SYT11: variants seen among roughly 807,000 people sequenced by gnomAD.
SYT11 encodes the protein synaptotagmin 11, also known as synaptotagmin-11.
In SYT11, 12 loss-of-function variants were observed where a neutral mutation model predicts 30.4. The observed-to-expected ratio is 0.39, with a 90% CI of 0.25 to 0.64. The LOEUF (loss-of-function observed/expected upper bound fraction) is 0.64. Among genes scored for constraint, SYT11 ranks in the 30% least tolerant of loss-of-function variants. SYT11 has a pLI of 0.45. For missense variants in SYT11, 412 were observed against 552.0 expected (o/e 0.75, Z 2.54); for synonymous variants, 204 against 216.0 (o/e 0.94, Z 0.49).
chr1:155,859,638 C>T lies in SYT11; in HGVS notation c.-124C>T, dbSNP rs951293116. The T allele has an allele frequency of 3.3e-6, 3 of 921,284 alleles. No homozygotes were observed. The highest frequency in any genetic ancestry group is 5.3e-6 in the Non-Finnish European group (3 of 562,804). 57.1% of individuals were successfully genotyped at this position (921,284 alleles called of 1,614,324 possible). A position where few individuals can be genotyped will look rare whatever the true frequency, so the allele number is the denominator to read the frequency against. ...GGGGCCGGACCGTCGCAGGAGGCGT[C>T]CGCTGGATACCTTCCCCCTTCCCTG... On this transcript the variant is annotated 5_prime_UTR_variant, in exon 1 of 4. Transcript: ENST00000368324.
intron 1 of SYT11, among the ~76,000 whole-genome samples, chr1:155,867,221 C>A (rs573526237): frequency 6.6e-5 from 10 of 152,190 alleles, no homozygotes; most frequent in Non-Finnish European, 1.3e-4. Flanking sequence ...CCACGCCCAG[C>A]TAATTTTTTA....
intron 2 of SYT11, among the ~76,000 whole-genome samples, chr1:155,879,026 T>C (rs978532861): frequency 6.6e-6 from 1 of 152,194 alleles, no homozygotes; most frequent in Non-Finnish European, 1.5e-5. Context: ...CTGACTCTTC[T>C]ACTAAGTGGT....
chr1:155,861,640 C>A (rs112293774), intron 1 of SYT11, among the ~76,000 whole-genome samples: 3 of 152,090 alleles, frequency 2.0e-5, no homozygotes, highest in Non-Finnish European at 4.4e-5. Flanking sequence ...GTTTTTGAGA[C>A]GGAGTTTCGA....
intron 2 of SYT11, among the ~76,000 whole-genome samples, chr1:155,869,140 T>A (rs1354480056): frequency 6.6e-6 from 1 of 152,318 alleles, no homozygotes; most frequent in East Asian, 1.9e-4. Flanking sequence ...CAAAATGATG[T>A]GATCTTCCTC....
intron 2 of SYT11, 66 bp from the exon 3 acceptor site, chr1:155,880,434 G>A: frequency 6.3e-7 from 1 of 1,593,562 alleles, no homozygotes; most frequent in Admixed American, 1.7e-5. Context: ...CCACTGCTCT[G>A]CACACTTTTT....
In SYT11 at chr1:155,860,909, C is replaced by T. The variant is rs1291484650; in HGVS notation, c.34+1114C>T. On this transcript the variant is annotated intron_variant, in intron 1 of 3. Transcript: ENST00000368324. The surrounding 1 kb of genome is among the most constrained non-coding windows in gnomAD (Gnocchi z 4.1). Reference sequence around the variant, plus strand: ...ATAATTGCCCTGCTTCTCCTTGATTCAGTTTAGATGGGGGAAGCCAGTGAG... The same window carrying T: ...ATAATTGCCCTGCTTCTCCTTGATTTAGTTTAGATGGGGGAAGCCAGTGAG... Among the ~76,000 whole-genome samples the T allele has an allele frequency of 6.6e-6, 1 of 152,120 alleles. No homozygotes were observed. Among genetic ancestry groups the T allele is most frequent in the Admixed American group, 6.5e-5 (1 of 15,270 alleles).
At chr1:155,864,522 G>A (rs1356984379) in intron 1 of SYT11, among the ~76,000 whole-genome samples, 3 of 152,102 alleles carry the variant, frequency 2.0e-5, no homozygotes, top group Non-Finnish European at 4.4e-5. Context: ...GAGAGGATAG[G>A]AGAGGATACC....
rs1419352947 is a variant in SYT11, at chr1:155,868,909, G to C, written c.861+118G>C. 1 of 956,864 alleles carries C rather than the reference G, an allele frequency of 1.0e-6. No homozygotes were observed. The highest frequency in any genetic ancestry group is 1.5e-6 in the Non-Finnish European group (1 of 653,576). The allele number at this position is 956,864 out of a possible 1,614,324, so 59.3% of individuals were successfully genotyped here. ...GGCAAAGAAGGGCTGTAGAGAGGAAGCTCTTGGATGTCAAGGATAAGCAGT... is the reference window on the plus strand; with the variant it reads ...GGCAAAGAAGGGCTGTAGAGAGGAACCTCTTGGATGTCAAGGATAAGCAGT... On this transcript the variant is annotated intron_variant, in intron 2 of 3. Transcript: ENST00000368324. The surrounding 1 kb of genome is among the most constrained non-coding windows in gnomAD (Gnocchi z 4.7).
intron 2 of SYT11, among the ~76,000 whole-genome samples, chr1:155,874,884 C>T (rs932441515): frequency 2.7e-5 from 4 of 148,318 alleles, no homozygotes; most frequent in Middle Eastern, 7.1e-3. Flanking sequence ...AGCAAGACTC[C>T]GTCTCAAAAA....
chr1:155,861,614 GTTTGTT>G (rs971576560), intron 1 of SYT11, among the ~76,000 whole-genome samples: 3 of 152,164 alleles, frequency 2.0e-5, no homozygotes, highest in Non-Finnish European at 2.9e-5. Flanking sequence ...GGTAGCACTA[GTTTGTT>G]TTTGTTTTTG....
At chr1:155,875,286 A>G (rs1459452191) in intron 2 of SYT11, among the ~76,000 whole-genome samples, 3 of 149,274 alleles carry the variant, frequency 2.0e-5, no homozygotes, top group East Asian at 2.0e-4. Context: ...TACATATGTT[A>G]TGGGTAAGGA....
At chr1:155,863,942 A>T (rs1437657996) in intron 1 of SYT11, among the ~76,000 whole-genome samples, 1 of 152,060 alleles carries the variant, frequency 6.6e-6, no homozygotes, top group Non-Finnish European at 1.5e-5. Flanking sequence ...TTAACCAGGC[A>T]TGATGGCACA....
At chr1:155,880,047 C>T (rs553354152) in intron 2 of SYT11, among the ~76,000 whole-genome samples, 6 of 152,218 alleles carry the variant, frequency 3.9e-5, no homozygotes, top group South Asian at 2.1e-4. Context: ...GAAAAATTAG[C>T]CAGATGTGGT....
At chr1:155,864,366 T>C (rs1270409328) in intron 1 of SYT11, among the ~76,000 whole-genome samples, 4 of 152,262 alleles carry the variant, frequency 2.6e-5, no homozygotes, top group African/African-American at 9.6e-5. Context: ...ATGTATATTA[T>C]GACCAGTGCA....
chr1:155,884,147 A>G lies in SYT11; in HGVS notation c.*2639A>G, dbSNP rs1673026750. The G allele has an allele frequency of 6.5e-6, 1 of 152,794 alleles. No individual in the cohort carries two copies. The highest frequency in any genetic ancestry group is 6.5e-5 in the Admixed American group (1 of 15,282). 9.5% of individuals were successfully genotyped at this position (152,794 alleles called of 1,614,324 possible). A position where few individuals can be genotyped will look rare whatever the true frequency, so the allele number is the denominator to read the frequency against. On this transcript the variant is annotated 3_prime_UTR_variant, in exon 4 of 4. Transcript: ENST00000368324. The stretch of plus-strand genomic sequence containing the variant: ...ATCGCCTTAATGTCTAAAGATCAGA[A>G]ATCGCTGAGCAAACCCGCTTTTGTT...
chr1:155,861,998 C>T (rs776172537), intron 1 of SYT11, among the ~76,000 whole-genome samples: 6 of 152,134 alleles, frequency 3.9e-5, no homozygotes, highest in Non-Finnish European at 7.3e-5. Context: ...TACTTGACTG[C>T]GAAAAGCTAT....
At position 155,865,930 on chromosome 1, in the gene SYT11, T is replaced by C. The variant is rs536957109; in HGVS notation, c.35-2035T>C. Among the ~76,000 whole-genome samples, 3 of 152,060 alleles carry C rather than the reference T, an allele frequency of 2.0e-5. No individual in the cohort carries two copies. The South Asian group carries it at 6.2e-4, about 32-fold the overall frequency. On this transcript the variant is annotated intron_variant, in intron 1 of 3. Coordinates refer to ENST00000368324, the MANE Select transcript of SYT11 (RefSeq NM_152280.5). ...TCCTTAGTTCTCCCTCCCTTCCAAG[T>C]GGTCCCCTAAAAAGTAAAGTGGAAA...
chr1:155,874,648 TG>T (rs1465306103), intron 2 of SYT11, among the ~76,000 whole-genome samples: 4 of 149,904 alleles, frequency 2.7e-5, no homozygotes, highest in Non-Finnish European at 5.9e-5. Context: ...CCCAGCACTT[TG>T]GGAGGCCGAG....
chr1:155,863,684 G>T (rs1557945769), intron 1 of SYT11, among the ~76,000 whole-genome samples: 1 of 152,008 alleles, frequency 6.6e-6, no homozygotes, highest in Admixed American at 6.6e-5. Context: ...ACTTTGGGGG[G>T]CCAAGGCTGG....
Sources: allele counts gnomAD v4.1 joint callset (sites outside exome capture counted in the v4.1 genomes callset), GRCh38; gene constraint gnomAD v4.1.1; non-coding constraint Gnocchi (gnomAD v3.1); transcripts MANE v1.5; gene names NCBI Gene and HGNC (gene_info 2026-07-23, HGNC 2026-07-21).